Variants in USPL1 observed in about 807,000 individuals in gnomAD.
USPL1 encodes the protein ubiquitin specific peptidase like 1.
Under a neutral mutation model 51.5 loss-of-function variants are expected in USPL1, and 27 were observed. That is an observed-to-expected ratio of 0.52 (90% CI 0.39 to 0.72). The LOEUF (loss-of-function observed/expected upper bound fraction) is 0.72, where lower values mean the gene tolerates loss of function less well. USPL1 is among the 30% of genes least tolerant of loss of function. The probability of loss-of-function intolerance (pLI) is 0.00; values close to 1 mark genes in which losing one functional copy is unlikely to be tolerated. For missense variants in USPL1, 1,226 were observed against 1,268.0 expected (o/e 0.97, Z 0.50); for synonymous variants, 451 against 459.6 (o/e 0.98, Z 0.24).
chr13:30,639,214 C>T (rs1391235107), intron 5 of USPL1, among the ~76,000 whole-genome samples: 2 of 132,836 alleles, frequency 1.5e-5, no homozygotes, highest in Non-Finnish European at 3.1e-5. Context: ...GACTCCGTCT[C>T]AAAAAATGTA....
intron 6 of USPL1, among the ~76,000 whole-genome samples, chr13:30,643,739 A>G (rs1950980746): frequency 6.6e-6 from 1 of 150,950 alleles, no homozygotes. Flanking sequence ...CTTCCTGAGT[A>G]GCTGGGATTA....
intron 1 of USPL1, among the ~76,000 whole-genome samples, chr13:30,618,752 G>T (rs757832752): frequency 6.6e-6 from 1 of 152,136 alleles, no homozygotes; most frequent in African/African-American, 2.4e-5. Context: ...AAAGATGCTG[G>T]GGGTGAAGTA....
In USPL1 at chr13:30,657,539, C is replaced by T. The variant is rs762810619; in HGVS notation, c.1462C>T (p.Pro488Ser). 2 of 1,613,104 alleles carry T rather than the reference C, an allele frequency of 1.2e-6. No homozygotes were observed. Among genetic ancestry groups the T allele is most frequent in the South Asian group, 2.2e-5 (2 of 90,834 alleles). The change falls in exon 9 of 9, where the codon CCT (proline) becomes TCT (serine). Residue 488 changes from proline to serine, a missense_variant. Physicochemically the swap from Pro to Ser is moderately conservative, Grantham distance 74. Transcript: ENST00000255304. ...CSERHKKFEVPASEIHIVIWE... is the reference protein window; with the variant it reads ...CSERHKKFEVSASEIHIVIWE... Reference sequence around the variant, plus strand: ...TGAAAGGCACAAGAAATTTGAAGTTCCTGCTTCAGAGATACATATTGTTAT... The same window carrying T: ...TGAAAGGCACAAGAAATTTGAAGTTTCTGCTTCAGAGATACATATTGTTAT...
At chr13:30,655,779 G>A (rs1174253500) in intron 8 of USPL1, among the ~76,000 whole-genome samples, 5 of 152,116 alleles carry the variant, frequency 3.3e-5, no homozygotes, top group Non-Finnish European at 7.4e-5. Context: ...AAAAAATATA[G>A]TGCTTTGGGT....
At position 30,644,430 on chromosome 13, in the gene USPL1, G is replaced by C. The variant is rs141318748; in HGVS notation, c.1112+1673G>C. On this transcript the variant is annotated intron_variant, in intron 6 of 8. Transcript: ENST00000255304. ...AAAGGTTTTGTTTTTTTTTTAACTGGTTAACTCAGATCTACTAGAACAGGG... is the reference window on the plus strand; with the variant it reads ...AAAGGTTTTGTTTTTTTTTTAACTGCTTAACTCAGATCTACTAGAACAGGG... Among the ~76,000 whole-genome samples the C allele has an allele frequency of 7.9e-3, 1,200 of 151,714 alleles. 4 individuals are homozygous for C. The highest frequency in any genetic ancestry group is 0.014 in the Middle Eastern group (4 of 294).
rs752400170 is a variant in USPL1 at position 30,621,816 on chromosome 13, A to T, written c.152A>T (p.Glu51Val). Reference sequence around the variant, plus strand: ...GATGAGTATTGCCCTGCTTGTAGAGAGAAGGGAAAGTTAAAAGCCTTAAAG... The same window carrying T: ...GATGAGTATTGCCCTGCTTGTAGAGTGAAGGGAAAGTTAAAAGCCTTAAAG... ...PSDEYCPACR[E>V]KGKLKALKTY... is the part of the protein sequence containing the mutation. Residue 51 changes from glutamate to valine, a missense_variant, in exon 3 of 9, where the codon GAG becomes GTG. By Grantham distance (121) the Glu-to-Val change is moderately radical. Transcript: ENST00000255304. 8.8e-6 allele frequency: 14 copies of T among 1,587,888 alleles called. No individual in the cohort carries two copies. The East Asian group carries it at 1.2e-4, about 13-fold the overall frequency.
intron 3 of USPL1, among the ~76,000 whole-genome samples, chr13:30,625,444 GTTTTTTTT>G (rs926283215): frequency 8.4e-6 from 1 of 118,958 alleles, no homozygotes; most frequent in South Asian, 2.7e-4. Flanking sequence ...TTTGTTTTTT[GTTTTTTTT>G]TTTTTTTTTT....
At chr13:30,629,342 G>T (rs1035529266) in intron 3 of USPL1, among the ~76,000 whole-genome samples, 1 of 152,064 alleles carries the variant, frequency 6.6e-6, no homozygotes, top group Non-Finnish European at 1.5e-5. Context: ...TGTCTCTACA[G>T]AAAATACCGT....
chr13:30,634,942 G>T (rs1257782863), intron 4 of USPL1, among the ~76,000 whole-genome samples: 1 of 152,126 alleles, frequency 6.6e-6, no homozygotes, highest in Admixed American at 6.5e-5. Context: ...TGAAGAGGTT[G>T]TCGGCTCTAT....
chr13:30,653,895 T>C (rs536250226), intron 8 of USPL1, among the ~76,000 whole-genome samples: 4 of 152,338 alleles, frequency 2.6e-5, no homozygotes, highest in African/African-American at 9.6e-5. Flanking sequence ...AAGGGTTGTA[T>C]CAAGCCATTG....
At chr13:30,653,535 T>C (rs1217673892) in intron 8 of USPL1, among the ~76,000 whole-genome samples, 3 of 152,214 alleles carry the variant, frequency 2.0e-5, no homozygotes, top group African/African-American at 4.8e-5. Flanking sequence ...GGTAAACACA[T>C]GCGCATGTGT....
chr13:30,641,496 A>G (rs1364899234), intron 5 of USPL1, among the ~76,000 whole-genome samples: 1 of 152,242 alleles, frequency 6.6e-6, no homozygotes, highest in East Asian at 1.9e-4. Context: ...GAAGGGATGG[A>G]AGGACTCAGT....
chr13:30,620,289 G>A (rs1227876379), intron 1 of USPL1, among the ~76,000 whole-genome samples: 1 of 152,136 alleles, frequency 6.6e-6, no homozygotes, highest in Non-Finnish European at 1.5e-5. Context: ...CTGCTAAGTG[G>A]TAATTCTCCT....
intron 1 of USPL1, 27 bp from the exon 2 acceptor site, chr13:30,621,046 A>T: frequency 2.1e-6 from 2 of 964,482 alleles, no homozygotes; most frequent in Non-Finnish European, 3.1e-6. Context: ...ATTTTTATTT[A>T]ATTGTCTATT....
rs1240499446 is a variant in USPL1, at chr13:30,642,706, C to A, written c.1061C>A (p.Ser354Tyr). 1 of 1,613,744 alleles carries A rather than the reference C, an allele frequency of 6.2e-7. No individual in the cohort carries two copies. The highest frequency in any genetic ancestry group is 8.5e-7 in the Non-Finnish European group (1 of 1,179,894). The change falls in exon 6 of 9, where the codon TCT (serine) becomes TAT (tyrosine). Residue 354 changes from serine (S) to tyrosine (Y), a missense_variant. Ser to Tyr is a moderately radical substitution (Grantham distance 144, BLOSUM62 -2). Transcript: ENST00000255304. ...CACATTGAAAAGCTCTTCCTATATT[C>A]TTTTTCTTGGGACTTTGAATGTTCG... ...ETHIEKLFLY[S>Y]FSWDFECSQC...
chr13:30,636,836 A>G (rs1950882655), intron 4 of USPL1, among the ~76,000 whole-genome samples: 1 of 152,222 alleles, frequency 6.6e-6, no homozygotes, highest in South Asian at 2.1e-4. Context: ...GGAGTTAATG[A>G]CCAGCCCAGG....
chr13:30,645,571 G>A (rs906688940), intron 6 of USPL1, among the ~76,000 whole-genome samples: 2 of 152,136 alleles, frequency 1.3e-5, no homozygotes, highest in Admixed American at 6.6e-5. Context: ...AAGCTAAAAT[G>A]AAGTGACGTT....
chr13:30,645,239 AGTT>A (rs1326580674), intron 6 of USPL1, among the ~76,000 whole-genome samples: 4 of 152,188 alleles, frequency 2.6e-5, no homozygotes, highest in Admixed American at 2.0e-4. Context: ...TCCATATCTT[AGTT>A]GTTTGACAGT....
Position 30,621,835 on chromosome 13 carries a change from C to T in USPL1, c.171C>T (p.Ala57=). 1 of 1,584,144 alleles carries T rather than the reference C, an allele frequency of 6.3e-7. No homozygotes were observed. The highest frequency in any genetic ancestry group is 8.6e-7 in the Non-Finnish European group (1 of 1,166,992). Residue 57 remains alanine (A), a synonymous_variant, in exon 3 of 9, where the codon GCC becomes GCT. Coordinates refer to ENST00000255304, the MANE Select transcript of USPL1 (RefSeq NM_005800.5). ...PACREKGKLK[A]LKTYRISFQE... The stretch of plus-strand genomic sequence containing the variant: ...GTAGAGAGAAGGGAAAGTTAAAAGC[C>T]TTAAAGACTTACCGAATTAGTTTTC...
Sources: gnomAD v4.1 joint callset for allele counts (sites outside exome capture counted in the v4.1 genomes callset) on GRCh38, gnomAD v4.1.1 for gene constraint, MANE v1.5 for transcripts, NCBI Gene and HGNC (gene_info 2026-07-23, HGNC 2026-07-21) for gene names.